The following SHANK2 variants were observed in gnomAD, a reference collection of about 807,000 sequenced individuals.
SHANK2 encodes the protein SH3 and multiple ankyrin repeat domains protein 2.
In SHANK2, 43 loss-of-function variants were observed where a neutral mutation model predicts 133.7. The ratio of observed to expected loss-of-function variants is 0.32; its 90% CI spans 0.25 to 0.41. The LOEUF is 0.41. Ranked by LOEUF, SHANK2 falls within the 10% of genes least tolerant of loss-of-function variation. The probability of loss-of-function intolerance (pLI) is 1.00; values close to 1 mark genes in which losing one functional copy is unlikely to be tolerated. For synonymous variants in SHANK2, 1,017 were observed against 952.8 expected, an observed-to-expected ratio of 1.07 and a Z score of -1.24; for missense variants, 1,994 against 2,235.8, an observed-to-expected ratio of 0.89 and a Z score of 2.18.
chr11:71,142,487 C>T (rs542002993), intron 3 of SHANK2, among the ~76,000 whole-genome samples: 1 of 151,796 alleles, frequency 6.6e-6, no homozygotes, highest in South Asian at 2.1e-4. Context: ...GGCAACAGAG[C>T]GAGACTCTCT....
At chr11:70,693,657 G>A (rs1162424312) in intron 15 of SHANK2, among the ~76,000 whole-genome samples, 1 of 152,200 alleles carries the variant, frequency 6.6e-6, no homozygotes, top group Non-Finnish European at 1.5e-5. Flanking sequence ...GTCAAAGAAT[G>A]TGCTTGTCTT....
chr11:70,802,244 G>T (rs1312579667), intron 13 of SHANK2, among the ~76,000 whole-genome samples: 1 of 152,166 alleles, frequency 6.6e-6, no homozygotes, highest in Non-Finnish European at 1.5e-5. Context: ...TCTCTCTATG[G>T]GCCCCACATG....
intron 17 of SHANK2, among the ~76,000 whole-genome samples, chr11:70,518,569 TC>T (rs1305332030): frequency 6.6e-6 from 1 of 152,188 alleles, no homozygotes; most frequent in African/African-American, 2.4e-5. Context: ...TCCTCTTTTA[TC>T]CCTTTGCAGT....
At chr11:70,894,789 T>C (rs1397283327) in intron 11 of SHANK2, among the ~76,000 whole-genome samples, 8 of 152,150 alleles carry the variant, frequency 5.3e-5, no homozygotes, top group Non-Finnish European at 1.0e-4. Flanking sequence ...CCTGTCGTCA[T>C]GGGCGGGACC....
At chr11:70,799,715 C>T (rs1200893006) in intron 13 of SHANK2, among the ~76,000 whole-genome samples, 1 of 152,142 alleles carries the variant, frequency 6.6e-6, no homozygotes, top group Non-Finnish European at 1.5e-5. Flanking sequence ...GGACCACGCA[C>T]ATCACTGGAC....
chr11:70,654,437 C>T (rs552486008), intron 17 of SHANK2: 1 of 152,334 alleles, frequency 6.6e-6, no homozygotes, highest in Admixed American at 6.5e-5. Context: ...AGACAAACAT[C>T]TGAAAGAAAG....
intron 14 of SHANK2, among the ~76,000 whole-genome samples, chr11:70,767,430 T>G (rs537104238): frequency 6.6e-6 from 1 of 152,154 alleles, no homozygotes; most frequent in Non-Finnish European, 1.5e-5. Context: ...CACTCACAGA[T>G]GCAGCCCGAA....
Position 71,113,359 on chromosome 11 carries a change from T to C in SHANK2, c.417A>G (p.Arg139=), listed in dbSNP as rs781979596. ...CTTGTTTATACACCCGCTTCTTGTA[T>C]CGAAACTGGCACAGAAAACAAAAAA... ...VGEGVPSLEF[R]YKKRVYKQAS... is the part of the protein sequence containing the mutation. Residue 139 remains arginine, a synonymous_variant, in exon 5 of 26, where the codon CGA becomes CGG. Transcript: ENST00000601538. The C allele has an allele frequency of 1.6e-5, 25 of 1,551,540 alleles. No individual in the cohort carries two copies. Among genetic ancestry groups the C allele is most frequent in the Non-Finnish European group, 2.1e-5 (24 of 1,146,982 alleles).
chr11:70,472,919 C>G lies in SHANK2; in HGVS notation c.5500G>C (p.Gly1834Arg). The G allele has an allele frequency of 6.2e-7, 1 of 1,614,202 alleles. No homozygotes were observed. ...GCCCTTTCTATGTTCATTCTGTGCC[C>G]GACTCGAGTTACCCCAAGATCGATG... Reference protein sequence around the residue: ...DLIDLGVTRVGHRMNIERALK... With the variant: ...DLIDLGVTRVRHRMNIERALK... The change falls in exon 26 of 26, where the codon GGG (glycine) becomes CGG (arginine). Residue 1834 changes from glycine (G) to arginine (R), a missense_variant. By Grantham distance (125) the Gly-to-Arg change is moderately radical. This residue lies in a region of SHANK2 where 42 missense variants were observed against 79.9 expected (regional missense o/e 0.53). Transcript: ENST00000601538. The surrounding 1 kb of genome is among the most constrained non-coding windows in gnomAD (Gnocchi z 4.4).
intron 17 of SHANK2, among the ~76,000 whole-genome samples, chr11:70,602,199 A>G (rs1350129469): frequency 6.6e-6 from 1 of 152,188 alleles, no homozygotes; most frequent in Non-Finnish European, 1.5e-5. Context: ...AAGCTCCCTG[A>G]GCCCTCCCCA....
intron 14 of SHANK2, among the ~76,000 whole-genome samples, chr11:70,745,450 C>G (rs1946619211): frequency 6.6e-6 from 1 of 152,236 alleles, no homozygotes; most frequent in South Asian, 2.1e-4. Context: ...AAACAAACCT[C>G]CGGGCCTCCG....
chr11:70,492,787 G>GTTTTTTTTTTTTTTTTTTT (rs34452642), intron 21 of SHANK2, among the ~76,000 whole-genome samples: 1 of 70,590 alleles, frequency 1.4e-5, no homozygotes, highest in Non-Finnish European at 2.5e-5. Flanking sequence ...ACATTTCTGT[G>GTTTTTTTTTTTTTTTTTTT]TTTTTTTTTT....
chr11:70,840,920 C>T (rs1212164534), intron 11 of SHANK2, among the ~76,000 whole-genome samples: 1 of 152,150 alleles, frequency 6.6e-6, no homozygotes, highest in Non-Finnish European at 1.5e-5. Context: ...TAAGACTTCA[C>T]CTGAGAAACA....
At chr11:70,827,638 GTTT>G (rs797024799) in intron 11 of SHANK2, among the ~76,000 whole-genome samples, 1,631 of 108,170 alleles carry the variant, frequency 0.015, 38 homozygotes, top group African/African-American at 0.056. Context: ...GTGTGTGTGT[GTTT>G]TTTTTTTTTT....
rs551283238 is a variant in SHANK2, at chr11:70,948,729, G to A, written c.1108-52162C>T. ...AGCACAGCCTTTCCAGAGGGGCCACGCTCCCAACCCCTGCCGAATGTCCAC... is the reference window on the plus strand; with the variant it reads ...AGCACAGCCTTTCCAGAGGGGCCACACTCCCAACCCCTGCCGAATGTCCAC... On this transcript the variant is annotated intron_variant, in intron 10 of 25. Transcript: ENST00000601538. Among the ~76,000 whole-genome samples, 4 of 152,320 alleles carry A rather than the reference G, an allele frequency of 2.6e-5. No individual in the cohort carries two copies. In the South Asian group the frequency reaches 6.2e-4, roughly 24 times the overall value.
chr11:71,222,546 GC>G (rs1954569332), intron 2 of SHANK2, among the ~76,000 whole-genome samples: 1 of 152,218 alleles, frequency 6.6e-6, no homozygotes, highest in African/African-American at 2.4e-5. Flanking sequence ...GGACGCAGGC[GC>G]CTTCCAAAGG....
intron 17 of SHANK2, chr11:70,603,195 T>C (rs1300577656): frequency 2.0e-5 from 3 of 152,324 alleles, no homozygotes; most frequent in African/African-American, 7.2e-5. Context: ...GATGCTTCCA[T>C]GACATGGGGA....
chr11:71,150,799 A>C (rs1590963151), intron 2 of SHANK2, among the ~76,000 whole-genome samples: 1 of 151,874 alleles, frequency 6.6e-6, no homozygotes, highest in Admixed American at 6.6e-5. Context: ...GGAACTTCTC[A>C]CCCTGTGTTT....
At chr11:70,761,877 C>A (rs969952045) in intron 14 of SHANK2, among the ~76,000 whole-genome samples, 2 of 152,220 alleles carry the variant, frequency 1.3e-5, no homozygotes, top group Admixed American at 6.5e-5. Context: ...ACTTCAGATT[C>A]CAGGGTGGAG....
Sources: gnomAD v4.1 joint callset for allele counts (sites outside exome capture counted in the v4.1 genomes callset) on GRCh38, gnomAD v4.1.1 for gene constraint, gnomAD v4.1.1 regional missense constraint, Gnocchi (gnomAD v3.1) non-coding constraint, MANE v1.5 for transcripts, NCBI Gene and HGNC (gene_info 2026-07-23, HGNC 2026-07-21) for gene names.